Variants in AGO2 observed in about 807,000 individuals in gnomAD.
The protein encoded by AGO2 is argonaute RISC catalytic component 2.
A neutral mutation model predicts 102.3 loss-of-function variants in AGO2; 5 were observed. The observed-to-expected ratio is 0.05, with a 90% CI of 0.03 to 0.10. The LOEUF is 0.10. AGO2 is among the 10% of genes least tolerant of loss of function. AGO2 has a pLI of 1.00. For missense variants in AGO2, 541 were observed against 1,183.7 expected (o/e 0.46, Z 7.97); for synonymous variants, 449 against 473.1 (o/e 0.95, Z 0.66).
At chr8:140,597,516 G>A (rs2073866656) in intron 1 of AGO2, among the ~76,000 whole-genome samples, 1 of 94,860 alleles carries the variant, frequency 1.1e-5, no homozygotes, top group Non-Finnish European at 2.1e-5. Context: ...TGAGTGAGGG[G>A]CCCTTTCCTG....
chr8:140,590,001 G>T (rs75402832), intron 1 of AGO2, among the ~76,000 whole-genome samples: 1 of 152,200 alleles, frequency 6.6e-6, no homozygotes, highest in Non-Finnish European at 1.5e-5. Flanking sequence ...GGACAGAGAC[G>T]GTCTCAGAAT....
intron 10 of AGO2, among the ~76,000 whole-genome samples, chr8:140,553,215 G>A (rs913890601): frequency 1.3e-5 from 2 of 151,820 alleles, no homozygotes; most frequent in African/African-American, 4.8e-5. Flanking sequence ...GTGAGACCTC[G>A]TCTCTACAAA....
rs1016769766 is a variant in AGO2, at chr8:140,521,789, A to C, written c.*10255T>G. ...GTAGGTCAGGAGAGATGAAATCGAC[A>C]ACAGTCCGTTTGCTGCTTATGAAAT... On this transcript the variant is annotated 3_prime_UTR_variant, in exon 19 of 19. Transcript: ENST00000220592. 1 of 152,266 alleles carries C rather than the reference A, an allele frequency of 6.6e-6. No individual in the cohort carries two copies. Among genetic ancestry groups the C allele is most frequent in the African/African-American group, 2.4e-5 (1 of 41,464 alleles). 9.4% of individuals were successfully genotyped at this position (152,266 alleles called of 1,614,324 possible). A position where few individuals can be genotyped will look rare whatever the true frequency, so the allele number is the denominator to read the frequency against.
intron 2 of AGO2, among the ~76,000 whole-genome samples, chr8:140,584,256 C>T (rs571261912): frequency 2.2e-4 from 34 of 151,870 alleles, no homozygotes; most frequent in South Asian, 1.2e-3. Flanking sequence ...TCATCAGGTA[C>T]CAGAGAAATG....
chr8:140,550,661 G>C (rs929187355), intron 11 of AGO2, among the ~76,000 whole-genome samples: 1 of 152,122 alleles, frequency 6.6e-6, no homozygotes, highest in African/African-American at 2.4e-5. Flanking sequence ...TTTTCACCCA[G>C]GGTGGAGTGC....
upstream of AGO2, among the ~76,000 whole-genome samples, chr8:140,639,187 G>GT (rs1210019027): frequency 3.3e-5 from 5 of 150,758 alleles, no homozygotes; most frequent in Non-Finnish European, 5.9e-5. Context: ...GTTTTGTTTT[G>GT]TTTTTTAATT....
Position 140,595,480 on chromosome 8 carries a change from T to C in AGO2, c.23-10169A>G, listed in dbSNP as rs112824310. On this transcript the variant is annotated intron_variant, in intron 1 of 18. Coordinates refer to ENST00000220592, the MANE Select transcript of AGO2 (RefSeq NM_012154.5). ...TCTTATTTTATTTATTATTTTATCT[T>C]ATGAGACAGAATCTCACTCTGTTGC... Among the ~76,000 whole-genome samples the C allele has an allele frequency of 2.8e-3, 415 of 150,702 alleles. 3 individuals carry two copies. Among genetic ancestry groups the C allele is most frequent in the African/African-American group, 9.6e-3 (393 of 41,068 alleles).
At chr8:140,586,555 T>C (rs1431940044) in intron 1 of AGO2, among the ~76,000 whole-genome samples, 2 of 152,010 alleles carry the variant, frequency 1.3e-5, no homozygotes, top group Non-Finnish European at 2.9e-5. Context: ...CCAGGGACAG[T>C]TTCCAGGTGT....
chr8:140,591,062 AAGCTCTGGGTGC>A (rs1026088823), intron 1 of AGO2, among the ~76,000 whole-genome samples: 16 of 152,208 alleles, frequency 1.1e-4, no homozygotes, highest in Non-Finnish European at 1.6e-4. Context: ...GGAGGGAAGG[AAGCTCTGGGTGC>A]AGCTCTGGGT....
intron 2 of AGO2, among the ~76,000 whole-genome samples, chr8:140,581,962 C>T (rs561644410): frequency 6.6e-6 from 1 of 152,314 alleles, no homozygotes; most frequent in Non-Finnish European, 1.5e-5. Flanking sequence ...ACAGCAGTCA[C>T]TCCCCACCAT....
chr8:140,579,120 G>C (rs1338073907), intron 2 of AGO2, among the ~76,000 whole-genome samples: 1 of 152,062 alleles, frequency 6.6e-6, no homozygotes, highest in East Asian at 1.9e-4. Context: ...CTACTTGGGA[G>C]GCTGAGGTGG....
chr8:140,560,534 G>A (rs367768930), intron 4 of AGO2, 24 bp from the exon 5 acceptor site: 50 of 1,599,536 alleles, frequency 3.1e-5, no homozygotes, highest in South Asian at 2.1e-4. Flanking sequence ...ACCCCACCCC[G>A]CCTCCCGTCA....
At chr8:140,555,752 T>A (rs1176245892) in intron 10 of AGO2, 144 bp downstream of exon 10, 12 of 1,209,796 alleles carry the variant, frequency 9.9e-6, no homozygotes, top group African/African-American at 3.1e-5. Flanking sequence ...AAATCTCACG[T>A]CTTTTACAGG....
At chr8:140,608,274 C>T (rs915066850) in intron 1 of AGO2, among the ~76,000 whole-genome samples, 4 of 152,216 alleles carry the variant, frequency 2.6e-5, no homozygotes, top group Admixed American at 1.3e-4. Context: ...CAGCACGCTC[C>T]GGTCTCCTGT....
Position 140,532,025 on chromosome 8 carries a change from C to G in AGO2, c.*19G>C. On this transcript the variant is annotated 3_prime_UTR_variant, in exon 19 of 19. Transcript: ENST00000220592. ...TCGTGAATCCCACTCGGTACACAAT[C>G]GCTAAACACTAAAACATGTCAAGCA... 1 of 1,610,376 alleles carries G rather than the reference C, an allele frequency of 6.2e-7. No homozygotes were observed.
In AGO2 at chr8:140,558,477, CGTGTTACGTTTG is replaced by C; in HGVS notation, c.874_878+7del. ...AGCCAAGAGAGTCTGAAAGGAAGGG[CGTGTTACGTTTG>C]GTGACTGGCGGGCCGCCGGGTCACA... On this transcript the variant is annotated splice_donor_variant and splice_donor_5th_base_variant and coding_sequence_variant and intron_variant, in exon 7 of 19. Coordinates refer to ENST00000220592, the MANE Select transcript of AGO2 (RefSeq NM_012154.5). LOFTEE classifies it high-confidence loss of function. The C allele has an allele frequency of 6.2e-7, 1 of 1,614,114 alleles. No individual in the cohort carries two copies. Among genetic ancestry groups the C allele is most frequent in the Non-Finnish European group, 8.5e-7 (1 of 1,179,964 alleles).
At chr8:140,582,793 A>T (rs1290828395) in intron 2 of AGO2, among the ~76,000 whole-genome samples, 1 of 152,266 alleles carries the variant, frequency 6.6e-6, no homozygotes, top group Non-Finnish European at 1.5e-5. Context: ...GGACTTCAAC[A>T]AAACTAAAAA....
chr8:140,530,248 G>T lies in AGO2; in HGVS notation c.*1796C>A, dbSNP rs550094904. On this transcript the variant is annotated 3_prime_UTR_variant, in exon 19 of 19. Coordinates refer to ENST00000220592, the MANE Select transcript of AGO2 (RefSeq NM_012154.5). ...CCAATATCCAGGCGAGGTATCGGGA[G>T]ACCCCCGACCTGCGGCTTGCTGCCC... 6.6e-6 allele frequency: 1 copy of T among 152,238 alleles called. No homozygotes were observed. The highest frequency in any genetic ancestry group is 1.9e-4 in the East Asian group (1 of 5,144). 9.4% of individuals were successfully genotyped at this position (152,238 alleles called of 1,614,324 possible).
chr8:140,629,157 G>C (rs1240227165), intron 1 of AGO2, among the ~76,000 whole-genome samples: 1 of 151,994 alleles, frequency 6.6e-6, no homozygotes, highest in Non-Finnish European at 1.5e-5. Flanking sequence ...CGCGACTCTG[G>C]GGCCACGGAC....
Sources: gnomAD v4.1 joint callset for allele counts (sites outside exome capture counted in the v4.1 genomes callset) on GRCh38, gnomAD v4.1.1 for gene constraint, MANE v1.5 for transcripts, NCBI Gene and HGNC (gene_info 2026-07-23, HGNC 2026-07-21) for gene names.